Variants in ATRNL1 observed in about 807,000 individuals in gnomAD.
The protein encoded by ATRNL1 is attractin like 1.
A neutral mutation model predicts 182.7 loss-of-function variants in ATRNL1; 95 were observed. The observed-to-expected ratio is 0.52, with a 90% CI of 0.44 to 0.62. The LOEUF is 0.62. Among genes scored for constraint, ATRNL1 ranks in the 20% least tolerant of loss-of-function variants. ATRNL1 has a pLI of 0.00. For synonymous variants in ATRNL1, 576 were observed against 568.3 expected (o/e 1.01, Z -0.19); for missense variants, 1,471 against 1,679.5 (o/e 0.88, Z 2.17).
chr10:115,443,083 T>C (rs1016481389), intron 21 of ATRNL1, among the ~76,000 whole-genome samples: 1 of 152,156 alleles, frequency 6.6e-6, no homozygotes, highest in African/African-American at 2.4e-5. Context: ...TAGTTTGCTA[T>C]TCAGAATGGA....
Position 115,426,245 on chromosome 10 carries a change from T to C in ATRNL1, c.3270-5T>C, listed in dbSNP as rs1362014987. ...AATAGTAAATGAGTTTTTGTGTTTC[T>C]GCAGATGTGACTCTGAAAATCGCTA... On this transcript the variant is annotated splice_polypyrimidine_tract_variant and splice_region_variant and intron_variant, in intron 20 of 28. Transcript: ENST00000355044. 6.2e-7 allele frequency: 1 copy of C among 1,612,046 alleles called. No homozygotes were observed. The highest frequency in any genetic ancestry group is 1.3e-5 in the African/African-American group (1 of 74,904).
chr10:115,634,242 T>TA (rs1858717218), intron 26 of ATRNL1, among the ~76,000 whole-genome samples: 1 of 152,154 alleles, frequency 6.6e-6, no homozygotes, highest in African/African-American at 2.4e-5. Flanking sequence ...AAATTATCCT[T>TA]ACAATTTTCC....
chr10:115,406,656 C>T (rs1249517618), intron 20 of ATRNL1, among the ~76,000 whole-genome samples: 7 of 151,960 alleles, frequency 4.6e-5, no homozygotes, highest in South Asian at 2.1e-4. Context: ...CTTTAATCAC[C>T]GGTGGAATTT....
intron 1 of ATRNL1, chr10:115,096,514 G>A (rs1554863171): frequency 2.2e-6 from 1 of 455,316 alleles, no homozygotes; most frequent in Admixed American, 3.3e-5. Context: ...TAACTATCTT[G>A]AAAATCTTTT....
chr10:115,448,153 T>A (rs1175282835), intron 21 of ATRNL1, among the ~76,000 whole-genome samples: 1 of 152,156 alleles, frequency 6.6e-6, no homozygotes, highest in Non-Finnish European at 1.5e-5. Flanking sequence ...GGATATTAAT[T>A]TTTTGTTCAT....
intron 1 of ATRNL1, among the ~76,000 whole-genome samples, chr10:115,117,304 A>G (rs1844532209): frequency 6.6e-6 from 1 of 151,920 alleles, no homozygotes; most frequent in African/African-American, 2.4e-5. Context: ...TCATTCATTC[A>G]TTCTATTTTT....
At chr10:115,942,899 A>G (rs1239689832) in intron 28 of ATRNL1, among the ~76,000 whole-genome samples, 6 of 152,230 alleles carry the variant, frequency 3.9e-5, no homozygotes, top group Non-Finnish European at 7.3e-5. Context: ...TGATAAGCCA[A>G]ATTATCTGGT....
intron 25 of ATRNL1, among the ~76,000 whole-genome samples, chr10:115,540,756 TAAA>T (rs34811826): frequency 6.2e-4 from 48 of 77,622 alleles, no homozygotes; most frequent in African/African-American, 1.7e-3. Context: ...AAACTCCGTC[TAAA>T]AAAAAAAAAA....
chr10:115,848,931 G>A (rs377243717), intron 28 of ATRNL1, among the ~76,000 whole-genome samples: 6 of 152,248 alleles, frequency 3.9e-5, no homozygotes, highest in South Asian at 2.1e-4. Flanking sequence ...ATGATGAACC[G>A]GCCTCCTTGC....
chr10:115,571,486 TG>T (rs1357511169), intron 26 of ATRNL1, among the ~76,000 whole-genome samples: 3 of 152,218 alleles, frequency 2.0e-5, no homozygotes, highest in African/African-American at 7.2e-5. Context: ...TTGGGCTTTC[TG>T]TTAGCTTCTG....
intron 1 of ATRNL1, among the ~76,000 whole-genome samples, chr10:115,117,611 A>G (rs1844549370): frequency 6.6e-6 from 1 of 152,078 alleles, no homozygotes; most frequent in Non-Finnish European, 1.5e-5. Context: ...CTGTTGATGG[A>G]CACGTAGGTT....
intron 15 of ATRNL1, among the ~76,000 whole-genome samples, chr10:115,299,574 A>G (rs1045423003): frequency 2.0e-5 from 3 of 152,060 alleles, no homozygotes; most frequent in Non-Finnish European, 2.9e-5. Context: ...CAGACTCTAT[A>G]TATTGTTTGT....
chr10:115,741,133 A>G (rs1948128544), intron 27 of ATRNL1, among the ~76,000 whole-genome samples: 1 of 152,178 alleles, frequency 6.6e-6, no homozygotes, highest in Admixed American at 6.5e-5. Context: ...TTTACCTTTC[A>G]GAAACTTACA....
At chr10:115,165,445 ACT>A (rs1472117594) in intron 6 of ATRNL1, 111 bp from the exon 7 acceptor site, 43 of 484,972 alleles carry the variant, frequency 8.9e-5, no homozygotes, top group African/African-American at 7.6e-4. Flanking sequence ...ATTAGTTGTA[ACT>A]CTTTTTGAAT....
chr10:115,326,531 G>C (rs1854891570), intron 18 of ATRNL1, among the ~76,000 whole-genome samples: 1 of 152,058 alleles, frequency 6.6e-6, no homozygotes, highest in South Asian at 2.1e-4. Flanking sequence ...CAGATTCAGT[G>C]CCATCCCCAT....
chr10:115,825,907 A>AGGTG (rs1950420604), intron 27 of ATRNL1, among the ~76,000 whole-genome samples: 2 of 151,766 alleles, frequency 1.3e-5, no homozygotes, highest in Non-Finnish European at 2.9e-5. Flanking sequence ...GAACTATTCC[A>AGGTG]CCTGTTAAGC....
intron 28 of ATRNL1, among the ~76,000 whole-genome samples, chr10:115,887,627 A>G (rs1362594900): frequency 1.3e-5 from 2 of 151,620 alleles, no homozygotes; most frequent in Non-Finnish European, 2.9e-5. Context: ...GAGAGGCACA[A>G]ACATTCAGGC....
At chr10:115,204,069 G>A (rs1848706367) in intron 8 of ATRNL1, among the ~76,000 whole-genome samples, 1 of 151,850 alleles carries the variant, frequency 6.6e-6, no homozygotes, top group African/African-American at 2.4e-5. Context: ...ATGTTGTAAA[G>A]GGATCTTTTT....
intron 28 of ATRNL1, among the ~76,000 whole-genome samples, chr10:115,881,064 C>T (rs562817179): frequency 1.2e-4 from 19 of 152,252 alleles, no homozygotes; most frequent in Non-Finnish European, 2.4e-4. Flanking sequence ...GGGGCCTGTG[C>T]CCTCAATGCG....
Sources: allele counts gnomAD v4.1 joint callset (sites outside exome capture counted in the v4.1 genomes callset), GRCh38; gene constraint gnomAD v4.1.1; transcripts MANE v1.5; gene names NCBI Gene and HGNC (gene_info 2026-07-23, HGNC 2026-07-21).